Variants in SPTAN1 observed in about 807,000 individuals in gnomAD.
SPTAN1 encodes spectrin alpha chain, non-erythrocytic 1.
SPTAN1 carries 61 observed loss-of-function variants against 331.3 expected under a neutral mutation model. That is an observed-to-expected ratio of 0.18 (90% confidence interval 0.15 to 0.23). The LOEUF is 0.23. SPTAN1 is among the 10% of genes least tolerant of loss of function. SPTAN1 has a pLI of 1.00. For missense variants in SPTAN1, 2,043 were observed against 3,147.9 expected (o/e 0.65, Z 8.40); for synonymous variants, 1,153 against 1,173.9 (o/e 0.98, Z 0.36).
chr9:128,604,220 A>T, intron 28 of SPTAN1, 106 bp from the exon 29 acceptor site: 1 of 1,147,020 alleles, frequency 8.7e-7, no homozygotes, highest in East Asian at 2.5e-5. Flanking sequence ...ACAGGAAATT[A>T]TATATGCCCT....
chr9:128,597,582 C>A (rs2131418174), intron 24 of SPTAN1, among the ~76,000 whole-genome samples: 1 of 152,290 alleles, frequency 6.6e-6, no homozygotes, highest in African/African-American at 2.4e-5. Flanking sequence ...TATCTGAGGA[C>A]TGGGAAAACC....
intron 3 of SPTAN1, among the ~76,000 whole-genome samples, chr9:128,572,467 T>C (rs1200325450): frequency 3.1e-5 from 1 of 32,216 alleles, no homozygotes; most frequent in Non-Finnish European, 6.8e-5. Flanking sequence ...GGACAGGCCT[T>C]GCCCTAGTTC....
intron 21 of SPTAN1, among the ~76,000 whole-genome samples, 191 bp from the exon 22 acceptor site, chr9:128,591,286 T>A (rs868472303): frequency 1.3e-5 from 2 of 151,968 alleles, no homozygotes; most frequent in South Asian, 2.1e-4. Context: ...CAGGATGGTC[T>A]CCATCTCCTG....
chr9:128,607,890 C>T lies in SPTAN1; in HGVS notation c.4185C>T (p.Phe1395=), dbSNP rs775679777. 6.2e-7 allele frequency: 1 copy of T among 1,614,086 alleles called. No individual in the cohort carries two copies. Among genetic ancestry groups the T allele is most frequent in the South Asian group, 1.1e-5 (1 of 91,074 alleles). ...AAATCGATGCCAGGGCTGGCACTTT[C>T]CAGGCATTTGAGCAGTTTGGACAGC... ...RTEIDARAGT[F]QAFEQFGQQL... Residue 1395 remains phenylalanine (F), a synonymous_variant, in exon 33 of 57, where the codon TTC becomes TTT. Coordinates refer to ENST00000372739, the MANE Select transcript of SPTAN1 (RefSeq NM_001130438.3).
rs1860158365 is a variant in SPTAN1, at chr9:128,633,406, GCT to G, written c.*76_*77del. Reference sequence around the variant, plus strand: ...TTGCTGCATGTCCGCTCCTCTGTGTGCTCTCACTTTCCACTGTAACCTTAAGC... The same window carrying G: ...TTGCTGCATGTCCGCTCCTCTGTGTGCTCACTTTCCACTGTAACCTTAAGC... On this transcript the variant is annotated 3_prime_UTR_variant, in exon 57 of 57. Coordinates refer to ENST00000372739, the MANE Select transcript of SPTAN1 (RefSeq NM_001130438.3). 3.7e-6 allele frequency: 6 copies of G among 1,607,488 alleles called. No individual in the cohort carries two copies. In the African/African-American group the frequency reaches 5.3e-5, roughly 14 times the overall value.
intron 44 of SPTAN1, among the ~76,000 whole-genome samples, chr9:128,619,394 G>A (rs1857574317): frequency 6.6e-6 from 1 of 152,226 alleles, no homozygotes; most frequent in Non-Finnish European, 1.5e-5. Flanking sequence ...CTCAGTTCTG[G>A]AGGCCAGAAG....
chr9:128,619,283 G>A (rs1015706025), intron 44 of SPTAN1, among the ~76,000 whole-genome samples: 11 of 152,156 alleles, frequency 7.2e-5, no homozygotes, highest in African/African-American at 2.7e-4. Context: ...AGTTTCCTGG[G>A]GCTGCCATAA....
chr9:128,570,804 G>T (rs1850627354), intron 3 of SPTAN1, among the ~76,000 whole-genome samples: 2 of 152,030 alleles, frequency 1.3e-5, no homozygotes, highest in African/African-American at 2.4e-5. Context: ...TTACAGGCAT[G>T]CGCTGTGCCA....
rs112372253 is a variant in SPTAN1, at chr9:128,632,541, C to G, written c.7014-31C>G. The G allele has an allele frequency of 1.5e-3, 2,360 of 1,614,154 alleles. 24 individuals are homozygous for G. The African/African-American group carries it at 0.016, about 11-fold the overall frequency. On this transcript the variant is annotated intron_variant, in intron 54 of 56. Coordinates refer to ENST00000372739, the MANE Select transcript of SPTAN1 (RefSeq NM_001130438.3). ...GGGGGGTGTTCGGCAGCAGGGCTGCCTGCTGAGCCGCCCTCGGCTTTGTGC... is the reference window on the plus strand; with the variant it reads ...GGGGGGTGTTCGGCAGCAGGGCTGCGTGCTGAGCCGCCCTCGGCTTTGTGC...
At chr9:128,608,492 A>G (rs1241435543) in intron 34 of SPTAN1, among the ~76,000 whole-genome samples, 2 of 151,960 alleles carry the variant, frequency 1.3e-5, no homozygotes, top group Non-Finnish European at 1.5e-5. Flanking sequence ...AAAGGGATGG[A>G]AAACAAATGT....
intron 10 of SPTAN1, 70 bp from the exon 11 acceptor site, chr9:128,580,852 G>A: frequency 6.2e-7 from 1 of 1,605,074 alleles, no homozygotes; most frequent in Non-Finnish European, 8.5e-7. Context: ...TTCCAGGATA[G>A]CTGTTCTGTC....
Position 128,625,654 on chromosome 9 carries a change from A to G in SPTAN1, c.6070-115A>G. ...GTGTGACTGAGTCTCAGCAGTGTCC[A>G]GGTGGACAGTTTGGCTTGGGCATCT... On this transcript the variant is annotated intron_variant, in intron 47 of 56. Transcript: ENST00000372739. The surrounding 1 kb of genome is among the most constrained non-coding windows in gnomAD (Gnocchi z 4.1). The G allele has an allele frequency of 1.1e-6, 1 of 944,146 alleles. No individual in the cohort carries two copies. Among genetic ancestry groups the G allele is most frequent in the South Asian group, 1.3e-5 (1 of 76,486 alleles). 58.5% of individuals were successfully genotyped at this position (944,146 alleles called of 1,614,324 possible). A position where few individuals can be genotyped will look rare whatever the true frequency, so the allele number is the denominator to read the frequency against.
Position 128,583,847 on chromosome 9 carries a change from G to A in SPTAN1, c.2071G>A (p.Glu691Lys), listed in dbSNP as rs1026358414. The A allele has an allele frequency of 1.2e-6, 2 of 1,614,224 alleles. No homozygotes were observed. The highest frequency in any genetic ancestry group is 8.5e-7 in the Non-Finnish European group (1 of 1,180,034). Residue 691 changes from glutamate to lysine, a missense_variant, in exon 16 of 57, where the codon GAA becomes AAA. Glu to Lys is a moderately conservative substitution (Grantham distance 56). Around this residue, in one of 12 missense-constraint regions of SPTAN1, gnomAD observed 1,038 missense variants for 1,531.5 expected, o/e 0.68. Transcript: ENST00000372739. The stretch of plus-strand genomic sequence containing the variant: ...ATTTAATCGCAATGTTGAGGATATT[G>A]AATTGTGGCTATATGAAGTAGAAGG... Reference protein sequence around the residue: ...QQFNRNVEDIELWLYEVEGHL... With the variant: ...QQFNRNVEDIKLWLYEVEGHL...
Position 128,633,425 on chromosome 9 carries a change from A to T in SPTAN1, c.*91A>T, listed in dbSNP as rs1033298808. 2.6e-5 allele frequency: 41 copies of T among 1,592,848 alleles called. No individual in the cohort carries two copies. Among genetic ancestry groups the T allele is most frequent in the Non-Finnish European group, 3.3e-5 (38 of 1,167,404 alleles). ...CTGTGTGCTCTCACTTTCCACTGTA[A>T]CCTTAAGCCTGCTTAGCTTGGAATA... On this transcript the variant is annotated 3_prime_UTR_variant, in exon 57 of 57. Coordinates refer to ENST00000372739, the MANE Select transcript of SPTAN1 (RefSeq NM_001130438.3).
At chr9:128,567,476 G>A (rs1479017127) in intron 2 of SPTAN1, among the ~76,000 whole-genome samples, 1 of 151,970 alleles carries the variant, frequency 6.6e-6, no homozygotes, top group East Asian at 1.9e-4. Flanking sequence ...ATTTTTAGTA[G>A]AGATAGGGTT....
rs1589212730 is a variant in SPTAN1, at chr9:128,582,678, G to T, written c.1651-16G>T. ...GAGTGAACACTAGAGACTCACAGGG[G>T]ATCCTTGTCTTTCAGCTGTTGAGCC... On this transcript the variant is annotated splice_polypyrimidine_tract_variant and intron_variant, in intron 13 of 56. Coordinates refer to ENST00000372739, the MANE Select transcript of SPTAN1 (RefSeq NM_001130438.3). 5 of 1,612,426 alleles carry T rather than the reference G, an allele frequency of 3.1e-6. No individual in the cohort carries two copies. The highest frequency in any genetic ancestry group is 4.2e-6 in the Non-Finnish European group (5 of 1,180,022).
rs1369801244 is a variant in SPTAN1 at position 128,588,790 on chromosome 9, C to T, written c.2872-19C>T. The T allele has an allele frequency of 4.3e-6, 7 of 1,613,600 alleles. No individual in the cohort carries two copies. ...GCGGACGTGTTTTTACCATGTTTGC[C>T]CTTCCTTTGGATTTTTAGCAACAAG... On this transcript the variant is annotated intron_variant, in intron 20 of 56. Coordinates refer to ENST00000372739, the MANE Select transcript of SPTAN1 (RefSeq NM_001130438.3).
At chr9:128,609,932 G>T (rs1349101140) in intron 37 of SPTAN1, among the ~76,000 whole-genome samples, 1 of 152,140 alleles carries the variant, frequency 6.6e-6, no homozygotes, top group African/African-American at 2.4e-5. Context: ...TGATTTGCGG[G>T]GCAGTAATTG....
chr9:128,587,536 G>A (rs1456270261), intron 19 of SPTAN1, 70 bp from the exon 20 acceptor site: 1 of 1,271,868 alleles, frequency 7.9e-7, no homozygotes, highest in African/African-American at 1.5e-5. Context: ...AGGATGGCAG[G>A]TTGGCGAGGC....
Sources: gnomAD v4.1 joint callset for allele counts (sites outside exome capture counted in the v4.1 genomes callset) on GRCh38, gnomAD v4.1.1 for gene constraint, gnomAD v4.1.1 regional missense constraint, Gnocchi (gnomAD v3.1) non-coding constraint, MANE v1.5 for transcripts, NCBI Gene and HGNC (gene_info 2026-07-23, HGNC 2026-07-21) for gene names.